The following TMEM44 variants were observed in gnomAD, a reference collection of about 807,000 sequenced individuals.
The protein encoded by TMEM44 is transmembrane protein 44.
A neutral mutation model predicts 47.8 loss-of-function variants in TMEM44; 43 were observed. The observed-to-expected ratio is 0.90, with a 90% CI of 0.70 to 1.16. The LOEUF (loss-of-function observed/expected upper bound fraction) is 1.16, where lower values mean the gene tolerates loss of function less well. Ranked by LOEUF, TMEM44 falls within the 50% of genes most tolerant of loss-of-function variation. TMEM44 has a pLI of 0.00. For missense variants in TMEM44, 568 were observed against 555.2 expected (o/e 1.02, Z -0.23); for synonymous variants, 277 against 238.8 (o/e 1.16, Z -1.48).
intron 9 of TMEM44, among the ~76,000 whole-genome samples, chr3:194,603,848 G>A (rs949404958): frequency 2.0e-5 from 3 of 150,780 alleles, no homozygotes; most frequent in Non-Finnish European, 4.4e-5. Flanking sequence ...CCCCACGGAA[G>A]TTCATTTTTT....
At chr3:194,618,101 A>C (rs1457172047) in intron 5 of TMEM44, among the ~76,000 whole-genome samples, 1 of 152,200 alleles carries the variant, frequency 6.6e-6, no homozygotes, top group Non-Finnish European at 1.5e-5. Flanking sequence ...CCTTTAGAGC[A>C]ATGCAAGAAC....
At chr3:194,595,718 C>T (rs1249559594) in intron 9 of TMEM44, among the ~76,000 whole-genome samples, 2 of 151,858 alleles carry the variant, frequency 1.3e-5, no homozygotes, top group East Asian at 1.9e-4. Flanking sequence ...CTCCGCCTCC[C>T]GGGTCCAGGT....
chr3:194,633,194 C>G lies in TMEM44; in HGVS notation c.22G>C (p.Ala8Pro). ...TAGTCCCAGTCCCAGAGCGCGGGCG[C>G]GGGGCTGGGCGCCTCCCCCATGGCG... is the stretch of plus-strand genomic sequence containing the variant. MGEAPSPAPALWDWDYLD... is the reference protein window; with the variant it reads MGEAPSPPPALWDWDYLD... Residue 8 changes from alanine to proline, a missense_variant, in exon 1 of 10, where the codon GCG (alanine) becomes CCG (proline). Coordinates refer to ENST00000347147, the MANE Select transcript of TMEM44 (RefSeq NM_001011655.3). 6.7e-7 allele frequency: 1 copy of G among 1,500,008 alleles called. No individual in the cohort carries two copies. The highest frequency in any genetic ancestry group is 2.3e-4 in the Middle Eastern group (1 of 4,382). The allele number at this position is 1,500,008 out of a possible 1,614,324, so 92.9% of individuals were successfully genotyped here.
At chr3:194,612,674 CT>C (rs933034028) in intron 7 of TMEM44, among the ~76,000 whole-genome samples, 1 of 151,716 alleles carries the variant, frequency 6.6e-6, no homozygotes, top group Non-Finnish European at 1.5e-5. Flanking sequence ...TATTCAAGTC[CT>C]TTTTTTTGAG....
intron 9 of TMEM44, among the ~76,000 whole-genome samples, chr3:194,598,075 G>A (rs1051365278): frequency 3.9e-5 from 6 of 152,228 alleles, no homozygotes; most frequent in African/African-American, 7.2e-5. Context: ...CACAGTCTCC[G>A]TGGAGTATGC....
chr3:194,614,046 C>T (rs1260379893), intron 7 of TMEM44, among the ~76,000 whole-genome samples: 2 of 151,812 alleles, frequency 1.3e-5, no homozygotes, highest in East Asian at 2.0e-4. Flanking sequence ...CGCTTGAACC[C>T]GGGAGGCGGA....
chr3:194,598,146 T>C (rs1196964354), intron 9 of TMEM44, among the ~76,000 whole-genome samples: 1 of 152,118 alleles, frequency 6.6e-6, no homozygotes, highest in Non-Finnish European at 1.5e-5. Flanking sequence ...CTCTACACAG[T>C]TACTGGTCAC....
In TMEM44 at chr3:194,591,475, CAA is replaced by C. The variant is rs1379571987; in HGVS notation, c.1177-2838_1177-2837del. The stretch of plus-strand genomic sequence containing the variant: ...CGCCACTGTACTCCAGCGTGGGCGA[CAA>C]GAGTGAAATTCTGTCTCAAAAAATA... On this transcript the variant is annotated intron_variant, in intron 9 of 9. Transcript: ENST00000347147. Among the ~76,000 whole-genome samples the C allele has an allele frequency of 3.3e-5, 5 of 152,056 alleles. No homozygotes were observed. In the East Asian group the frequency reaches 7.7e-4, roughly 24 times the overall value.
chr3:194,612,596 G>A (rs1014632716), intron 7 of TMEM44, among the ~76,000 whole-genome samples: 17 of 147,406 alleles, frequency 1.2e-4, no homozygotes, highest in Middle Eastern at 3.4e-3. Context: ...AAGAGCCCAG[G>A]TAATAGATGA....
intron 2 of TMEM44, among the ~76,000 whole-genome samples, chr3:194,626,584 A>G (rs759284852): frequency 5.9e-5 from 9 of 152,172 alleles, no homozygotes; most frequent in Non-Finnish European, 1.3e-4. Flanking sequence ...CAGTCTCTAC[A>G]TCTGTAGAAC....
At chr3:194,610,056 G>A (rs1248196686) in intron 8 of TMEM44, among the ~76,000 whole-genome samples, 2 of 151,994 alleles carry the variant, frequency 1.3e-5, no homozygotes, top group Admixed American at 6.6e-5. Flanking sequence ...GTGAAACCCC[G>A]TCTCTAGTAA....
Position 194,617,350 on chromosome 3 carries a change from G to C in TMEM44, c.613-81C>G, listed in dbSNP as rs947778573. ...GGCCCTCAGTGGCACAGCAGGTTGC[G>C]GGGCAAGCCCTCTGCCTGCAGCCAG... On this transcript the variant is annotated intron_variant, in intron 5 of 9. Transcript: ENST00000347147. 1.6e-5 allele frequency: 23 copies of C among 1,417,890 alleles called. No homozygotes were observed. The African/African-American group carries it at 2.6e-4, about 16-fold the overall frequency. The allele number at this position is 1,417,890 out of a possible 1,614,324, so 87.8% of individuals were successfully genotyped here.
chr3:194,624,711 A>T (rs1341333189), intron 3 of TMEM44, among the ~76,000 whole-genome samples: 1 of 144,750 alleles, frequency 6.9e-6, no homozygotes, highest in Non-Finnish European at 1.5e-5. Flanking sequence ...GAGCCACCAC[A>T]CCACTTGGTT....
chr3:194,632,749 G>A (rs1295171275), intron 1 of TMEM44, among the ~76,000 whole-genome samples: 2 of 152,138 alleles, frequency 1.3e-5, no homozygotes, highest in African/African-American at 2.4e-5. Context: ...GTCATAGGAG[G>A]CCCAGAGAGG....
At chr3:194,602,613 A>AC (rs2109167130) in intron 9 of TMEM44, among the ~76,000 whole-genome samples, 1 of 151,600 alleles carries the variant, frequency 6.6e-6, no homozygotes, top group Non-Finnish European at 1.5e-5. Context: ...AAAAAAAAAA[A>AC]AGAAGGAAAG....
At chr3:194,593,000 G>A (rs929531332) in intron 9 of TMEM44, 1 of 1,611,772 alleles carries the variant, frequency 6.2e-7, no homozygotes. Flanking sequence ...TCAAGCCATA[G>A]GAAGTCCCTC....
At chr3:194,623,079 C>T (rs1716737715) in intron 5 of TMEM44, 145 bp downstream of exon 5, 1 of 762,358 alleles carries the variant, frequency 1.3e-6, no homozygotes, top group Non-Finnish European at 2.0e-6. Context: ...CTGTCATACA[C>T]ACTAACGCTC....
rs150064377 is a variant in TMEM44, at chr3:194,621,590, C to T, written c.612+1634G>A. Among the ~76,000 whole-genome samples the T allele has an allele frequency of 7.4e-4, 112 of 152,306 alleles. 1 individual carries two copies. The East Asian group carries it at 0.019, about 25-fold the overall frequency. On this transcript the variant is annotated intron_variant, in intron 5 of 9. Coordinates refer to ENST00000347147, the MANE Select transcript of TMEM44 (RefSeq NM_001011655.3). Reference sequence around the variant, plus strand: ...ACCTGCTGATGAGGCCCAGGCCCTGCGAGGCTTCTGGCAGTCACAGCACAG... The same window carrying T: ...ACCTGCTGATGAGGCCCAGGCCCTGTGAGGCTTCTGGCAGTCACAGCACAG...
At position 194,610,929 on chromosome 3, in the gene TMEM44, T is replaced by A. The variant is rs1034621472; in HGVS notation, c.1004A>T (p.Glu335Val). ...ATGGCCACTCACCTGCTGCACAGGC[T>A]CGATGGTCAGCTCCATGTAGCGACT... is the stretch of plus-strand genomic sequence containing the variant. ...AISRYMELTIEPVQQAGCSAT... is the reference protein window; with the variant it reads ...AISRYMELTIVPVQQAGCSAT... The change falls in exon 8 of 10, where the codon GAG becomes GTG. Residue 335 changes from glutamate to valine, a missense_variant. Physicochemically the swap from Glu to Val is moderately radical, Grantham distance 121. Transcript: ENST00000347147. 6.2e-6 allele frequency: 10 copies of A among 1,613,558 alleles called. No individual in the cohort carries two copies. The highest frequency in any genetic ancestry group is 8.5e-6 in the Non-Finnish European group (10 of 1,179,822).
Sources: gnomAD v4.1 joint callset for allele counts (sites outside exome capture counted in the v4.1 genomes callset) on GRCh38, gnomAD v4.1.1 for gene constraint, MANE v1.5 for transcripts, NCBI Gene and HGNC (gene_info 2026-07-23, HGNC 2026-07-21) for gene names.